PKN2: variants seen among roughly 807,000 people sequenced by gnomAD.
The protein encoded by PKN2 is serine/threonine-protein kinase N2.
In PKN2, 38 loss-of-function variants were observed where a neutral mutation model predicts 119.1. The observed-to-expected ratio is 0.32, with a 90% confidence interval of 0.25 to 0.42. The LOEUF is 0.42. PKN2 is among the 10% of genes least tolerant of loss of function. The probability of loss-of-function intolerance (pLI) is 1.00; values close to 1 mark genes in which losing one functional copy is unlikely to be tolerated. For missense variants in PKN2, 850 were observed against 1,165.1 expected, an observed-to-expected ratio of 0.73 and a Z score of 3.94; for synonymous variants, 390 against 384.9, an observed-to-expected ratio of 1.01 and a Z score of -0.15.
intron 3 of PKN2, among the ~76,000 whole-genome samples, chr1:88,761,772 T>C (rs1669453072): frequency 6.6e-6 from 1 of 152,220 alleles, no homozygotes; most frequent in South Asian, 2.1e-4. Flanking sequence ...TGTTCCTATT[T>C]ACTTATGATG....
rs959940068 is a variant in PKN2, at chr1:88,824,449, G to A, written c.2419+63G>A. 4 of 920,724 alleles carry A rather than the reference G, an allele frequency of 4.3e-6. No individual in the cohort carries two copies. The African/African-American group carries it at 4.9e-5, about 11-fold the overall frequency. 57.0% of individuals were successfully genotyped at this position (920,724 alleles called of 1,614,324 possible). A position where few individuals can be genotyped will look rare whatever the true frequency, so the allele number is the denominator to read the frequency against. The stretch of plus-strand genomic sequence containing the variant: ...ATTACTGTTTCTTTGTGCATCAGTA[G>A]TTTTCAAGTTTGTCTATGGAAAACA... On this transcript the variant is annotated intron_variant, in intron 18 of 21. Transcript: ENST00000370521.
At position 88,831,248 on chromosome 1, in the gene PKN2, G is replaced by GA. The variant is rs567093602; in HGVS notation, c.2563-1490dup. On this transcript the variant is annotated intron_variant, in intron 19 of 21. Coordinates refer to ENST00000370521, the MANE Select transcript of PKN2 (RefSeq NM_006256.4). ...CCTGTTTGCTTACAATCTATTTGCA[G>GA]AAAAAAGATACTACATATTTTAACA... is the stretch of plus-strand genomic sequence containing the variant. Among the ~76,000 whole-genome samples the GA allele has an allele frequency of 5.9e-5, 9 of 151,718 alleles. No homozygotes were observed. The East Asian group carries it at 9.7e-4, about 16-fold the overall frequency.
At chr1:88,774,739 C>G (rs1009287754) in intron 6 of PKN2, among the ~76,000 whole-genome samples, 16 of 151,884 alleles carry the variant, frequency 1.1e-4, no homozygotes, top group East Asian at 1.9e-4. Flanking sequence ...GACAGGATCT[C>G]TCTTTGTTGC....
intron 15 of PKN2, among the ~76,000 whole-genome samples, chr1:88,810,882 C>T (rs1671755070): frequency 6.6e-6 from 1 of 152,224 alleles, no homozygotes; most frequent in African/African-American, 2.4e-5. Flanking sequence ...GCTGGGATTA[C>T]AGGCATGAGC....
chr1:88,794,140 G>C (rs1251696233), intron 8 of PKN2, among the ~76,000 whole-genome samples: 1 of 152,166 alleles, frequency 6.6e-6, no homozygotes, highest in Non-Finnish European at 1.5e-5. Flanking sequence ...GGCTGAGGCA[G>C]GCAGATCACC....
intron 18 of PKN2, among the ~76,000 whole-genome samples, chr1:88,826,332 C>T (rs1417783636): frequency 1.3e-5 from 2 of 148,702 alleles, no homozygotes; most frequent in Non-Finnish European, 2.9e-5. Context: ...GAGTGCTTAC[C>T]GTGTGCCAAG....
intron 1 of PKN2, among the ~76,000 whole-genome samples, chr1:88,715,299 G>T (rs896138659): frequency 1.3e-5 from 2 of 152,122 alleles, no homozygotes; most frequent in African/African-American, 4.8e-5. Flanking sequence ...GTTAGGGAGG[G>T]TTCCCTCTTT....
At chr1:88,716,261 T>C (rs1667447787) in intron 1 of PKN2, among the ~76,000 whole-genome samples, 1 of 152,212 alleles carries the variant, frequency 6.6e-6, no homozygotes, top group Non-Finnish European at 1.5e-5. Context: ...GAGAAGAATG[T>C]ATATTCTGTT....
intron 2 of PKN2, among the ~76,000 whole-genome samples, chr1:88,749,703 A>G (rs1668911351): frequency 6.6e-6 from 1 of 152,254 alleles, no homozygotes; most frequent in Non-Finnish European, 1.5e-5. Context: ...ATGGTAACAC[A>G]TGGCAAGATT....
intron 6 of PKN2, among the ~76,000 whole-genome samples, 164 bp from the exon 7 acceptor site, chr1:88,784,475 C>CT (rs1269298986): frequency 6.6e-6 from 1 of 151,964 alleles, no homozygotes; most frequent in African/African-American, 2.4e-5. Flanking sequence ...AATGGTTTCT[C>CT]TAATTAAAAT....
intron 8 of PKN2, 117 bp downstream of exon 8, chr1:88,786,330 A>ATT (rs3215731): frequency 1.4e-3 from 689 of 496,966 alleles, no homozygotes; most frequent in South Asian, 3.9e-3. Context: ...TAGAACTTAG[A>ATT]TTTTTTTTTT....
intron 6 of PKN2, among the ~76,000 whole-genome samples, chr1:88,777,051 G>T (rs1023775744): frequency 2.6e-5 from 4 of 152,054 alleles, no homozygotes; most frequent in African/African-American, 9.6e-5. Context: ...GCCTACATTG[G>T]TGTGCTTTAT....
At chr1:88,706,453 G>A (rs1667010384) in intron 1 of PKN2, among the ~76,000 whole-genome samples, 1 of 151,978 alleles carries the variant, frequency 6.6e-6, no homozygotes, top group Admixed American at 6.6e-5. Flanking sequence ...TTGTAATCTG[G>A]AGTGCCTTTT....
intron 19 of PKN2, among the ~76,000 whole-genome samples, chr1:88,830,303 A>G (rs912450683): frequency 2.0e-5 from 3 of 152,082 alleles, no homozygotes; most frequent in African/African-American, 7.2e-5. Flanking sequence ...TTTCACCTCT[A>G]TTTAGAAAAG....
intron 2 of PKN2, among the ~76,000 whole-genome samples, chr1:88,753,802 C>G (rs991273312): frequency 6.6e-6 from 1 of 152,020 alleles, no homozygotes; most frequent in East Asian, 1.9e-4. Flanking sequence ...AGTCACCTCC[C>G]GCCAGGCCTC....
At chr1:88,709,005 G>T (rs760437496) in intron 1 of PKN2, among the ~76,000 whole-genome samples, 2 of 151,186 alleles carry the variant, frequency 1.3e-5, no homozygotes, top group Non-Finnish European at 2.9e-5. Context: ...TATTCACTGA[G>T]CTCCTGCTAT....
At chr1:88,797,189 C>T (rs1359515827) in intron 8 of PKN2, among the ~76,000 whole-genome samples, 1 of 151,808 alleles carries the variant, frequency 6.6e-6, no homozygotes, top group African/African-American at 2.4e-5. Flanking sequence ...CAAAAATCAG[C>T]CATGTGTGGT....
chr1:88,768,551 A>G (rs922440786), intron 3 of PKN2, among the ~76,000 whole-genome samples: 3 of 152,222 alleles, frequency 2.0e-5, no homozygotes, highest in African/African-American at 7.2e-5. Flanking sequence ...AATCAAGGAC[A>G]ATCTCTGTAT....
At position 88,820,463 on chromosome 1, in the gene PKN2, G is replaced by T. The variant is rs1402615774; in HGVS notation, c.2280-1478G>T. Among the ~76,000 whole-genome samples, 3 of 150,432 alleles carry T rather than the reference G, an allele frequency of 2.0e-5. No individual in the cohort carries two copies. The East Asian group carries it at 5.9e-4, about 29-fold the overall frequency. On this transcript the variant is annotated intron_variant, in intron 16 of 21. Coordinates refer to ENST00000370521, the MANE Select transcript of PKN2 (RefSeq NM_006256.4). ...CAAGAAAATCACTTGAACTGGGGAG[G>T]TGGGGGTTGCGGTGAGCTGAGATTG...
Sources: gnomAD v4.1 joint callset for allele counts (sites outside exome capture counted in the v4.1 genomes callset) on GRCh38, gnomAD v4.1.1 for gene constraint, MANE v1.5 for transcripts, NCBI Gene and HGNC (gene_info 2026-07-23, HGNC 2026-07-21) for gene names.